The following PIK3R1 variants were observed in gnomAD, a reference collection of about 807,000 sequenced individuals.
The protein encoded by PIK3R1 is phosphatidylinositol 3-kinase regulatory subunit alpha.
A neutral mutation model predicts 98.0 loss-of-function variants in PIK3R1; 29 were observed. That is an observed-to-expected ratio of 0.30 (90% CI 0.22 to 0.40). The LOEUF is 0.40. Ranked by LOEUF, PIK3R1 falls within the 10% of genes least tolerant of loss-of-function variation. The pLI is 1.00. For missense variants in PIK3R1, 596 were observed against 872.7 expected, an observed-to-expected ratio of 0.68 and a Z score of 3.99; for synonymous variants, 282 against 311.8, an observed-to-expected ratio of 0.90 and a Z score of 1.01.
At chr5:68,238,992 A>C (rs1030499506) in intron 2 of PIK3R1, among the ~76,000 whole-genome samples, 5 of 149,508 alleles carry the variant, frequency 3.3e-5, no homozygotes, top group Non-Finnish European at 7.4e-5. Flanking sequence ...AAAAAAAAAT[A>C]GTGCATTGAT....
At chr5:68,228,911 T>C (rs188522275) in intron 2 of PIK3R1, among the ~76,000 whole-genome samples, 1 of 152,334 alleles carries the variant, frequency 6.6e-6, no homozygotes, top group East Asian at 1.9e-4. Context: ...TCTTTTTATA[T>C]CCTAAACTAT....
At chr5:68,239,359 A>G (rs1000654588) in intron 2 of PIK3R1, among the ~76,000 whole-genome samples, 1 of 152,220 alleles carries the variant, frequency 6.6e-6, no homozygotes, top group Non-Finnish European at 1.5e-5. Context: ...ATATATGACT[A>G]CTTTAAAGAA....
At chr5:68,226,021 CTG>C (rs1744260738) in intron 1 of PIK3R1, among the ~76,000 whole-genome samples, 1 of 152,062 alleles carries the variant, frequency 6.6e-6, no homozygotes, top group Non-Finnish European at 1.5e-5. Flanking sequence ...TGTTGTGGCT[CTG>C]TGTACTCTGA....
rs188947044 is a variant in PIK3R1 at position 68,300,829 on chromosome 5, G to A, written c.*3228G>A. 1.3e-5 allele frequency: 3 copies of A among 233,242 alleles called. No individual in the cohort carries two copies. Among genetic ancestry groups the A allele is most frequent in the African/African-American group, 6.6e-5 (3 of 45,474 alleles). The allele number at this position is 233,242 out of a possible 1,614,324, so 14.4% of individuals were successfully genotyped here. A position where few individuals can be genotyped will look rare whatever the true frequency, so the allele number is the denominator to read the frequency against. On this transcript the variant is annotated 3_prime_UTR_variant, in exon 16 of 16. Coordinates refer to ENST00000521381, the MANE Select transcript of PIK3R1 (RefSeq NM_181523.3). ...AAATTGTTTGTAAGTGAAGTGAGAAGTTCATATTTCTTTGGCTTTTTTGTG... is the reference window on the plus strand; with the variant it reads ...AAATTGTTTGTAAGTGAAGTGAGAAATTCATATTTCTTTGGCTTTTTTGTG...
intron 7 of PIK3R1, chr5:68,290,784 A>T (rs1200028950): frequency 5.6e-6 from 9 of 1,613,636 alleles, no homozygotes; most frequent in Non-Finnish European, 7.6e-6. Flanking sequence ...GCCAAGACAG[A>T]TATAAATTGT....
intron 11 of PIK3R1, among the ~76,000 whole-genome samples, chr5:68,294,311 G>C (rs1256886873): frequency 1.3e-5 from 2 of 152,204 alleles, no homozygotes; most frequent in African/African-American, 4.8e-5. Context: ...AACTACAATA[G>C]CTTTTAAGAA....
rs1163650626 is a variant in PIK3R1 at position 68,269,902 on chromosome 5, T to G, written c.335-3488T>G. Among the ~76,000 whole-genome samples the G allele has an allele frequency of 2.0e-5, 3 of 151,768 alleles. No individual in the cohort carries two copies. In the East Asian group the frequency reaches 5.8e-4, roughly 29 times the overall value. On this transcript the variant is annotated intron_variant, in intron 2 of 15. Transcript: ENST00000521381. ...TGCTATTTAAAAAAAAAAAAATCCC[T>G]GTAAAATTTACCATTTTAAACTCCA...
intron 7 of PIK3R1, chr5:68,288,447 A>ATGAGGAGCCGGCAG (rs1352378282): frequency 5.0e-5 from 63 of 1,270,588 alleles, no homozygotes; most frequent in Non-Finnish European, 6.2e-5. Context: ...TGGCTTCTCA[A>ATGAGGAGCCGGCAG]TGAGGAGCCG....
intron 2 of PIK3R1, among the ~76,000 whole-genome samples, chr5:68,246,317 T>TC: frequency 6.6e-6 from 1 of 150,768 alleles, no homozygotes; most frequent in African/African-American, 2.4e-5. Context: ...GTGTATATTT[T>TC]TTTTTTTTTT....
At chr5:68,217,822 C>G (rs1743959227) in intron 1 of PIK3R1, 1 of 152,156 alleles carries the variant, frequency 6.6e-6, no homozygotes, top group African/African-American at 2.4e-5. Flanking sequence ...AATCATATTA[C>G]TTTTTCCAGA....
intron 2 of PIK3R1, among the ~76,000 whole-genome samples, chr5:68,251,328 CTT>C (rs1456980191): frequency 1.3e-5 from 2 of 151,984 alleles, no homozygotes; most frequent in African/African-American, 4.8e-5. Context: ...CTTGAGATGA[CTT>C]TTAGGCTGCC....
chr5:68,280,591 C>T lies in PIK3R1; in HGVS notation c.698C>T (p.Pro233Leu), dbSNP rs1422288443. 3.1e-6 allele frequency: 5 copies of T among 1,612,888 alleles called. No homozygotes were observed. Among genetic ancestry groups the T allele is most frequent in the Non-Finnish European group, 2.5e-6 (3 of 1,179,240 alleles). ...AAGCTTATTAGGTCGCCTAGCATAC[C>T]TCATCAGTATTGGCTTACGCTTCAG... is the stretch of plus-strand genomic sequence containing the variant. ...LKKLIRSPSI[P>L]HQYWLTLQYL... The change falls in exon 6 of 16, where the codon CCT becomes CTT. Residue 233 changes from proline to leucine, a missense_variant. Physicochemically the swap from Pro to Leu is moderately conservative, Grantham distance 98. Transcript: ENST00000521381.
rs1024719602 is a variant in PIK3R1, at chr5:68,300,752, G to A, written c.*3151G>A. 6 of 233,172 alleles carry A rather than the reference G, an allele frequency of 2.6e-5. No homozygotes were observed. Among genetic ancestry groups the A allele is most frequent in the African/African-American group, 1.3e-4 (6 of 45,358 alleles). 14.4% of individuals were successfully genotyped at this position (233,172 alleles called of 1,614,324 possible). A position where few individuals can be genotyped will look rare whatever the true frequency, so the allele number is the denominator to read the frequency against. Reference sequence around the variant, plus strand: ...AACGTCTAGTACAATTCTTACTTATGTGTATGGGATTTTTCCCTTTGAGGT... The same window carrying A: ...AACGTCTAGTACAATTCTTACTTATATGTATGGGATTTTTCCCTTTGAGGT... On this transcript the variant is annotated 3_prime_UTR_variant, in exon 16 of 16. Transcript: ENST00000521381.
chr5:68,224,108 C>G (rs530492010), intron 1 of PIK3R1, among the ~76,000 whole-genome samples: 1 of 152,120 alleles, frequency 6.6e-6, no homozygotes, highest in Non-Finnish European at 1.5e-5. Flanking sequence ...AATTTCAAGG[C>G]AGATTTGGAG....
At chr5:68,219,370 G>A (rs752578184) in intron 1 of PIK3R1, among the ~76,000 whole-genome samples, 16 of 152,190 alleles carry the variant, frequency 1.1e-4, no homozygotes, top group South Asian at 4.1e-4. Flanking sequence ...AGTGTGAGGA[G>A]GCTCCACCAG....
intron 2 of PIK3R1, among the ~76,000 whole-genome samples, chr5:68,233,460 A>C (rs1468992593): frequency 2.0e-5 from 3 of 152,232 alleles, no homozygotes; most frequent in Non-Finnish European, 4.4e-5. Flanking sequence ...ATAGAGGAGG[A>C]CACATGGAGG....
intron 2 of PIK3R1, among the ~76,000 whole-genome samples, chr5:68,227,881 C>A (rs569726386): frequency 6.6e-5 from 10 of 152,264 alleles, no homozygotes; most frequent in African/African-American, 2.4e-4. Flanking sequence ...ATTCAAAAAC[C>A]ACTTATTGCT....
In PIK3R1 at chr5:68,301,422, A is replaced by ATGTG. The variant is rs1472617506; in HGVS notation, c.*3822_*3823insGTGT. The ATGTG allele has an allele frequency of 2.0e-5, 2 of 98,726 alleles. No homozygotes were observed. Among genetic ancestry groups the ATGTG allele is most frequent in the African/African-American group, 4.5e-5 (1 of 22,016 alleles). 6.1% of individuals were successfully genotyped at this position (98,726 alleles called of 1,614,324 possible). A position where few individuals can be genotyped will look rare whatever the true frequency, so the allele number is the denominator to read the frequency against. On this transcript the variant is annotated 3_prime_UTR_variant, in exon 16 of 16. Transcript: ENST00000521381. Reference sequence around the variant, plus strand: ...TATATATATATATATATATATATATATATATATATATGTGTGTGTATATAT... The same window carrying ATGTG: ...TATATATATATATATATATATATATATGTGTATATATATATGTGTGTGTATATAT...
In PIK3R1 at chr5:68,226,822, G is replaced by A. The variant is rs755197186; in HGVS notation, c.147G>A (p.Arg49=). ...GATTCAGTGATGGACAGGAAGCCAG[G>A]CCTGAAGAAATTGGCTGGTTAAATG... ...ALGFSDGQEA[R]PEEIGWLNGY... The change falls in exon 2 of 16, where the codon AGG becomes AGA. Residue 49 remains arginine, a synonymous_variant. Coordinates refer to ENST00000521381, the MANE Select transcript of PIK3R1 (RefSeq NM_181523.3). 5.6e-6 allele frequency: 9 copies of A among 1,614,004 alleles called. No individual in the cohort carries two copies. The highest frequency in any genetic ancestry group is 7.6e-6 in the Non-Finnish European group (9 of 1,180,018).
Sources: gnomAD v4.1 joint callset for allele counts (sites outside exome capture counted in the v4.1 genomes callset) on GRCh38, gnomAD v4.1.1 for gene constraint, MANE v1.5 for transcripts, NCBI Gene and HGNC (gene_info 2026-07-23, HGNC 2026-07-21) for gene names.